ELAVL2: variants seen among roughly 807,000 people sequenced by gnomAD.
The protein encoded by ELAVL2 is ELAV like RNA binding protein 2.
In ELAVL2, 4 loss-of-function variants were observed where a neutral mutation model predicts 34.6. The observed-to-expected ratio is 0.12, with a 90% CI of 0.06 to 0.26. ELAVL2 has a LOEUF of 0.26. Ranked by LOEUF, ELAVL2 falls within the 10% of genes least tolerant of loss-of-function variation. The pLI is 1.00. For missense variants in ELAVL2, 432 were observed against 442.8 expected, an observed-to-expected ratio of 0.98 and a Z score of 0.22; for synonymous variants, 193 against 154.8, an observed-to-expected ratio of 1.25 and a Z score of -1.83.
chr9:23,779,265 A>G, intron 1 of ELAVL2: 1 of 985,402 alleles, frequency 1.0e-6, no homozygotes, highest in Non-Finnish European at 1.2e-6. Context: ...CTTTTGGTTT[A>G]CCCCAGTAGA....
chr9:23,761,922 T>C (rs1271521324), intron 2 of ELAVL2, 84 bp downstream of exon 2: 14 of 1,429,760 alleles, frequency 9.8e-6, no homozygotes, highest in Non-Finnish European at 9.3e-7. Context: ...AGCAGTGAAT[T>C]ATTTACAAGC....
intron 3 of ELAVL2, among the ~76,000 whole-genome samples, chr9:23,718,361 A>G (rs1316927455): frequency 7.9e-5 from 12 of 152,160 alleles, no homozygotes; most frequent in Non-Finnish European, 1.8e-4. Context: ...ATTTGACACA[A>G]TTATCAGGGA....
intron 1 of ELAVL2, among the ~76,000 whole-genome samples, chr9:23,800,543 ATATGCT>A (rs2061457297): frequency 1.3e-5 from 2 of 152,170 alleles, no homozygotes; most frequent in South Asian, 4.1e-4. Context: ...CTACAGCCCT[ATATGCT>A]TAAGATATCA....
chr9:23,817,767 T>C (rs1003453108), intron 1 of ELAVL2, among the ~76,000 whole-genome samples: 2 of 152,208 alleles, frequency 1.3e-5, no homozygotes, highest in African/African-American at 4.8e-5. Flanking sequence ...TCTGTTAAAT[T>C]TACTAGTGAA....
the ELAVL2 span, among the ~76,000 whole-genome samples, chr9:23,848,651 T>G: frequency 6.6e-6 from 1 of 152,190 alleles, no homozygotes; most frequent in Non-Finnish European, 1.5e-5. Flanking sequence ...TTTATTGCAA[T>G]ACAATCATTT....
the ELAVL2 span, among the ~76,000 whole-genome samples, chr9:23,841,897 T>C: frequency 1.3e-5 from 2 of 152,196 alleles, no homozygotes; most frequent in Non-Finnish European, 2.9e-5. Flanking sequence ...GTCAGGAACA[T>C]ATTTCCTTTT....
intron 3 of ELAVL2, among the ~76,000 whole-genome samples, chr9:23,726,550 C>T (rs1334338743): frequency 6.6e-6 from 1 of 151,836 alleles, no homozygotes; most frequent in Non-Finnish European, 1.5e-5. Context: ...TAAATCAACC[C>T]CAGTTTCAGG....
the ELAVL2 span, among the ~76,000 whole-genome samples, chr9:23,839,055 A>G: frequency 2.6e-5 from 4 of 152,176 alleles, no homozygotes. Context: ...CTATTTAGAA[A>G]TAGTCTAATA....
intron 5 of ELAVL2, among the ~76,000 whole-genome samples, chr9:23,700,284 A>G (rs1410537859): frequency 6.6e-6 from 1 of 152,210 alleles, no homozygotes; most frequent in African/African-American, 2.4e-5. Flanking sequence ...GCCAAAAAGG[A>G]TATTTAAAAA....
intron 1 of ELAVL2, among the ~76,000 whole-genome samples, chr9:23,773,033 T>G (rs1479738560): frequency 6.6e-6 from 1 of 152,064 alleles, no homozygotes; most frequent in Non-Finnish European, 1.5e-5. Flanking sequence ...TTATGGTAAT[T>G]AAGTTCCTGG....
chr9:23,795,129 C>G (rs371916329), intron 1 of ELAVL2, among the ~76,000 whole-genome samples: 19 of 152,288 alleles, frequency 1.2e-4, no homozygotes, highest in African/African-American at 4.6e-4. Flanking sequence ...AAGTCAACAA[C>G]TTTGAAAAAT....
At chr9:23,803,417 T>A (rs2061809959) in intron 1 of ELAVL2, among the ~76,000 whole-genome samples, 1 of 152,222 alleles carries the variant, frequency 6.6e-6, no homozygotes, top group African/African-American at 2.4e-5. Context: ...ATACAAAGCA[T>A]GCCAGAAGCA....
At position 23,780,035 on chromosome 9, in the gene ELAVL2, C is replaced by A. The variant is rs959333300; in HGVS notation, c.-15-17786G>T. On this transcript the variant is annotated intron_variant, in intron 1 of 6. Transcript: ENST00000397312. Reference sequence around the variant, plus strand: ...AAAAAAAAAAAAAAAAAAAAAAAAACTTCATGAACTTCCAAGTCCAATCTC... The same window carrying A: ...AAAAAAAAAAAAAAAAAAAAAAAAAATTCATGAACTTCCAAGTCCAATCTC... 1.5e-3 allele frequency among the ~76,000 whole-genome samples: 149 copies of A among 98,824 alleles called. 1 individual carries two copies. Among genetic ancestry groups the A allele is most frequent in the African/African-American group, 5.0e-3 (134 of 26,784 alleles). 64.8% of individuals were successfully genotyped at this position (98,824 alleles called of 152,430 possible). A position where few individuals can be genotyped will look rare whatever the true frequency, so the allele number is the denominator to read the frequency against.
chr9:23,826,203 T>C lies in ELAVL2; in HGVS notation c.-413A>G, dbSNP rs1170414154. The stretch of plus-strand genomic sequence containing the variant: ...GTCGCTACAGGAGTAAGCTGCTGCA[T>C]CTCTAACTAAGAACAGAAATAGGGG... On this transcript the variant is annotated 5_prime_UTR_variant, in exon 1 of 7. The change abolishes an upstream ATG in the 5' untranslated region. Transcript: ENST00000397312. The C allele has an allele frequency of 1.3e-5, 2 of 152,210 alleles. No individual in the cohort carries two copies. Among genetic ancestry groups the C allele is most frequent in the African/African-American group, 2.4e-5 (1 of 41,450 alleles). The allele number at this position is 152,210 out of a possible 1,614,324, so 9.4% of individuals were successfully genotyped here.
the ELAVL2 span, among the ~76,000 whole-genome samples, chr9:23,845,487 G>A: frequency 6.6e-6 from 1 of 151,446 alleles, no homozygotes; most frequent in African/African-American, 2.4e-5. Flanking sequence ...AAAATTCAGG[G>A]GTTTTTCCAA....
chr9:23,765,361 A>C (rs1228725542), intron 1 of ELAVL2, among the ~76,000 whole-genome samples: 2 of 152,182 alleles, frequency 1.3e-5, no homozygotes, highest in Non-Finnish European at 2.9e-5. Context: ...ATTCTGAAGA[A>C]CTAATGTAAA....
intron 3 of ELAVL2, among the ~76,000 whole-genome samples, chr9:23,717,077 A>G (rs1319359000): frequency 6.6e-6 from 1 of 152,260 alleles, no homozygotes; most frequent in South Asian, 2.1e-4. Flanking sequence ...TCAGTGTGGT[A>G]GTAAAGTTAA....
intron 2 of ELAVL2, among the ~76,000 whole-genome samples, chr9:23,758,278 C>T (rs2054060609): frequency 6.6e-6 from 1 of 152,078 alleles, no homozygotes; most frequent in Admixed American, 6.6e-5. Context: ...ATTAGTACTA[C>T]CTCTTACGAA....
chr9:23,749,434 AGT>A (rs1175323400), intron 2 of ELAVL2, among the ~76,000 whole-genome samples: 1 of 152,156 alleles, frequency 6.6e-6, no homozygotes, highest in Non-Finnish European at 1.5e-5. Flanking sequence ...TAGCATAACG[AGT>A]GTTAGAAATG....
Sources: allele counts gnomAD v4.1 joint callset (sites outside exome capture counted in the v4.1 genomes callset), GRCh38; gene constraint gnomAD v4.1.1; transcripts MANE v1.5; gene names NCBI Gene and HGNC (gene_info 2026-07-23, HGNC 2026-07-21).